Variants in SGO2 observed in about 807,000 individuals in gnomAD.
The protein encoded by SGO2 is shugoshin 2.
In SGO2, 68 loss-of-function variants were observed where a neutral mutation model predicts 99.5. The ratio of observed to expected loss-of-function variants is 0.68; its 90% CI spans 0.56 to 0.84. The LOEUF is 0.84. Ranked by LOEUF, SGO2 falls within the 40% of genes least tolerant of loss-of-function variation. The pLI is 0.00. For missense variants in SGO2, 1,350 were observed against 1,436.7 expected, an observed-to-expected ratio of 0.94 and a Z score of 0.97; for synonymous variants, 457 against 487.1, an observed-to-expected ratio of 0.94 and a Z score of 0.81.
chr2:200,540,009 A>T (rs2031885492), intron 4 of SGO2, among the ~76,000 whole-genome samples: 1 of 150,194 alleles, frequency 6.7e-6, no homozygotes, highest in Non-Finnish European at 1.5e-5. Context: ...AGCCCATTTA[A>T]TTTATTTTAT....
intron 5 of SGO2, among the ~76,000 whole-genome samples, chr2:200,554,320 C>T (rs1051764758): frequency 1.3e-5 from 2 of 152,208 alleles, no homozygotes; most frequent in Admixed American, 6.5e-5. Flanking sequence ...TACATTGGTT[C>T]AGTCCATGCA....
In SGO2 at chr2:200,570,536, T is replaced by C. The variant is rs1559214953; in HGVS notation, c.704-514T>C. ...GGCATATGTATATGTATATAATATATACACACACACATATATACACACATA... is the reference window on the plus strand; with the variant it reads ...GGCATATGTATATGTATATAATATACACACACACACATATATACACACATA... On this transcript the variant is annotated intron_variant, in intron 6 of 8. Transcript: ENST00000357799. This position sits in a 1 kb window ranked among gnomAD's most constrained non-coding sequence, Gnocchi z 4.4. Among the ~76,000 whole-genome samples, 1 of 142,672 alleles carries C rather than the reference T, an allele frequency of 7.0e-6. No homozygotes were observed. Among genetic ancestry groups the C allele is most frequent in the Non-Finnish European group, 1.6e-5 (1 of 63,670 alleles). The allele number at this position is 142,672 out of a possible 152,430, so 93.6% of individuals were successfully genotyped here. A position where few individuals can be genotyped will look rare whatever the true frequency, so the allele number is the denominator to read the frequency against.
chr2:200,578,634 C>T (rs904127425), intron 8 of SGO2, among the ~76,000 whole-genome samples: 1 of 152,204 alleles, frequency 6.6e-6, no homozygotes. Flanking sequence ...TCCTTTACAG[C>T]ATGGCCACTT....
intron 5 of SGO2, among the ~76,000 whole-genome samples, chr2:200,563,654 T>C (rs950009761): frequency 6.6e-6 from 1 of 152,240 alleles, no homozygotes; most frequent in African/African-American, 2.4e-5. Flanking sequence ...TCTTTGTACC[T>C]CTGGTAGAAT....
At chr2:200,528,848 G>A (rs1467801733) in intron 1 of SGO2, among the ~76,000 whole-genome samples, 1 of 152,168 alleles carries the variant, frequency 6.6e-6, no homozygotes, top group East Asian at 1.9e-4. Flanking sequence ...CGAGGCAGGA[G>A]AAAATCCTGC....
intron 5 of SGO2, among the ~76,000 whole-genome samples, chr2:200,567,715 C>CTT (rs1332024296): frequency 6.6e-6 from 1 of 152,126 alleles, no homozygotes; most frequent in Non-Finnish European, 1.5e-5. Flanking sequence ...AATATGTGGC[C>CTT]TTTTGTGTCT....
At chr2:200,528,674 G>C (rs1294089107) in intron 1 of SGO2, among the ~76,000 whole-genome samples, 1 of 152,202 alleles carries the variant, frequency 6.6e-6, no homozygotes, top group Non-Finnish European at 1.5e-5. Context: ...AAATTTGAGA[G>C]TTATCAGCAT....
chr2:200,551,949 A>T (rs2032503986), intron 5 of SGO2, among the ~76,000 whole-genome samples: 1 of 152,170 alleles, frequency 6.6e-6, no homozygotes, highest in Admixed American at 6.5e-5. Context: ...CTTCAACATT[A>T]GCTTGGCTCT....
In SGO2 at chr2:200,573,435, C is replaced by G. The variant is rs760330139; in HGVS notation, c.3089C>G (p.Ala1030Gly). 4 of 1,609,128 alleles carry G rather than the reference C, an allele frequency of 2.5e-6. No individual in the cohort carries two copies. In the Admixed American group the frequency reaches 6.8e-5, roughly 27 times the overall value. Residue 1030 changes from alanine to glycine, a missense_variant, in exon 7 of 9, where the codon GCA (alanine) becomes GGA (glycine). Coordinates refer to ENST00000357799, the MANE Select transcript of SGO2 (RefSeq NM_152524.6). ...GATTTAAAACATATTACTAGTGAAGCAGATTCTGATCCAGGAAACCCAGTT... is the reference window on the plus strand; with the variant it reads ...GATTTAAAACATATTACTAGTGAAGGAGATTCTGATCCAGGAAACCCAGTT... ...ESDLKHITSE[A>G]DSDPGNPVEL... is the part of the protein sequence containing the mutation.
intron 1 of SGO2, among the ~76,000 whole-genome samples, chr2:200,528,884 A>G (rs1574827770): frequency 6.6e-6 from 1 of 152,334 alleles, no homozygotes; most frequent in East Asian, 1.9e-4. Context: ...AGAATGTGCT[A>G]TTTTGCAACC....
At chr2:200,542,317 G>C (rs1445617193) in intron 4 of SGO2, among the ~76,000 whole-genome samples, 6 of 152,044 alleles carry the variant, frequency 3.9e-5, no homozygotes, top group Admixed American at 6.6e-5. Context: ...TATTTGTGTA[G>C]GTATAGTCAT....
chr2:200,572,741 C>G lies in SGO2; in HGVS notation c.2395C>G (p.Gln799Glu), dbSNP rs1303356330. The G allele has an allele frequency of 6.2e-7, 1 of 1,612,686 alleles. No individual in the cohort carries two copies. The highest frequency in any genetic ancestry group is 8.5e-7 in the Non-Finnish European group (1 of 1,179,348). Residue 799 changes from glutamine (Q) to glutamate (E), a missense_variant, in exon 7 of 9, where the codon CAA becomes GAA. Physicochemically the swap from Gln to Glu is conservative, Grantham distance 29 (BLOSUM62 2). Coordinates refer to ENST00000357799, the MANE Select transcript of SGO2 (RefSeq NM_152524.6). Reference protein sequence around the residue: ...KHGHDMQPACQNDSKIGKKPR... With the variant: ...KHGHDMQPACENDSKIGKKPR... ...TGGCCATGATATGCAACCTGCTTGTCAAAATGATTCAAAAATAGGTAAGAA... is the reference window on the plus strand; with the variant it reads ...TGGCCATGATATGCAACCTGCTTGTGAAAATGATTCAAAAATAGGTAAGAA...
chr2:200,540,368 G>A (rs1047723277), intron 4 of SGO2, among the ~76,000 whole-genome samples: 1 of 152,142 alleles, frequency 6.6e-6, no homozygotes, highest in African/African-American at 2.4e-5. Flanking sequence ...TACACTGGTG[G>A]TAAGGGGAGG....
rs1260517298 is a variant in SGO2, at chr2:200,526,678, CGAAGGGGTGATG to C, written c.-3+431_-3+442del. On this transcript the variant is annotated intron_variant, in intron 1 of 8. Coordinates refer to ENST00000357799, the MANE Select transcript of SGO2 (RefSeq NM_152524.6). The surrounding 1 kb of genome is among the most constrained non-coding windows in gnomAD (Gnocchi z 4.8). Reference sequence around the variant, plus strand: ...CTCGTTTGGAGAGGCTGGCTGAAGGCGAAGGGGTGATGGAAGACTAGGGAGAACTTGGAACTT... The same window carrying C: ...CTCGTTTGGAGAGGCTGGCTGAAGGCGAAGACTAGGGAGAACTTGGAACTT... 2.0e-5 allele frequency among the ~76,000 whole-genome samples: 3 copies of C among 151,938 alleles called. No individual in the cohort carries two copies.
In SGO2 at chr2:200,571,978, A is replaced by G. The variant is rs1490437172; in HGVS notation, c.1632A>G (p.Glu544=). The part of the protein sequence containing the change: ...SRQTFVIHKL[E]KDNLLPNQKD... ...AGACATTTGTGATTCACAAATTAGA[A>G]AAAGATAACTTACTCCCAAACCAAA... Residue 544 remains glutamate (E), a synonymous_variant, in exon 7 of 9, where the codon GAA becomes GAG. Coordinates refer to ENST00000357799, the MANE Select transcript of SGO2 (RefSeq NM_152524.6). 1 of 1,609,292 alleles carries G rather than the reference A, an allele frequency of 6.2e-7. No homozygotes were observed. The highest frequency in any genetic ancestry group is 8.5e-7 in the Non-Finnish European group (1 of 1,178,630).
chr2:200,576,811 A>T (rs904403677), intron 8 of SGO2, among the ~76,000 whole-genome samples: 3 of 152,218 alleles, frequency 2.0e-5, no homozygotes, highest in South Asian at 4.1e-4. Flanking sequence ...TGGTCTTTGC[A>T]ACTGGCTTCT....
rs754578174 is a variant in SGO2 at position 200,573,520 on chromosome 2, T to C, written c.3174T>C (p.Phe1058=). ...TTTLNKKDLP[F]VEEIKEGECQ... is the part of the protein sequence containing the mutation. The stretch of plus-strand genomic sequence containing the variant: ...CTTTGAATAAAAAAGATCTCCCTTT[T>C]GTGGAAGAAATAAAAGAAGGAGAGT... The change falls in exon 7 of 9, where the codon TTT becomes TTC. Residue 1058 remains phenylalanine, a synonymous_variant. Coordinates refer to ENST00000357799, the MANE Select transcript of SGO2 (RefSeq NM_152524.6). 3 of 1,612,108 alleles carry C rather than the reference T, an allele frequency of 1.9e-6. No homozygotes were observed. The highest frequency in any genetic ancestry group is 2.7e-5 in the African/African-American group (2 of 74,894).
At chr2:200,567,860 C>T (rs2033248904) in intron 5 of SGO2, among the ~76,000 whole-genome samples, 1 of 152,214 alleles carries the variant, frequency 6.6e-6, no homozygotes, top group South Asian at 2.1e-4. Flanking sequence ...ATTCATCAAT[C>T]AATGGACATT....
intron 5 of SGO2, among the ~76,000 whole-genome samples, chr2:200,546,525 A>G (rs1197568169): frequency 2.0e-5 from 3 of 152,122 alleles, no homozygotes; most frequent in South Asian, 2.1e-4. Flanking sequence ...CCAAAAGGAC[A>G]AAAAGCAGAA....
Sources: gnomAD v4.1 joint callset for allele counts (sites outside exome capture counted in the v4.1 genomes callset) on GRCh38, gnomAD v4.1.1 for gene constraint, Gnocchi (gnomAD v3.1) non-coding constraint, MANE v1.5 for transcripts, NCBI Gene and HGNC (gene_info 2026-07-23, HGNC 2026-07-21) for gene names.